The following CAPN9 variants were observed in gnomAD, a reference collection of about 807,000 sequenced individuals.
CAPN9 encodes the protein calpain-9.
A neutral mutation model predicts 92.8 loss-of-function variants in CAPN9; 81 were observed. The observed-to-expected ratio is 0.87, with a 90% CI of 0.73 to 1.05. The LOEUF (loss-of-function observed/expected upper bound fraction) is 1.05. Among genes scored for constraint, CAPN9 ranks in the 50% least tolerant of loss-of-function variants. The pLI is 0.00. For synonymous variants in CAPN9, 304 were observed against 328.0 expected (o/e 0.93, Z 0.79); for missense variants, 848 against 866.2 (o/e 0.98, Z 0.26).
intron 14 of CAPN9, among the ~76,000 whole-genome samples, chr1:230,790,687 TC>T (rs1667923263): frequency 6.6e-6 from 1 of 152,200 alleles, no homozygotes. Flanking sequence ...ACGCCTGTAA[TC>T]CCAGCACTTT....
Position 230,757,068 on chromosome 1 carries a change from A to AAGGAAG in CAPN9, c.283+1662_283+1663insAGGAAG, listed in dbSNP as rs1572017103. Among the ~76,000 whole-genome samples, 222 of 35,322 alleles carry AAGGAAG rather than the reference A, an allele frequency of 6.3e-3. 4 individuals carry two copies. Among genetic ancestry groups the AAGGAAG allele is most frequent in the East Asian group, 0.011 (20 of 1,764 alleles). 23.2% of individuals were successfully genotyped at this position (35,322 alleles called of 152,430 possible). On this transcript the variant is annotated intron_variant, in intron 2 of 19. Transcript: ENST00000271971. ...AGGAAGGAAGGAAGGAAGGAAGGAA[A>AAGGAAG]GGAGAAAATATACTATTCCAGGATT...
intron 8 of CAPN9, chr1:230,776,601 T>C (rs1482540575): frequency 2.0e-5 from 3 of 152,098 alleles, no homozygotes; most frequent in Admixed American, 1.3e-4. Flanking sequence ...ATATAAAGGC[T>C]CAAACACAGT....
chr1:230,761,383 C>T (rs1473329579), intron 3 of CAPN9, among the ~76,000 whole-genome samples: 2 of 152,120 alleles, frequency 1.3e-5, no homozygotes, highest in African/African-American at 4.8e-5. Context: ...GAAAGCCAGC[C>T]CTGAGGCTCC....
intron 18 of CAPN9, among the ~76,000 whole-genome samples, chr1:230,796,990 T>C (rs12239972): frequency 0.048 from 7,350 of 152,230 alleles, 251 homozygotes; most frequent in African/African-American, 0.1. Flanking sequence ...TGTAAGAATG[T>C]CAACCCTCCA....
At chr1:230,785,353 A>G (rs964679105) in intron 11 of CAPN9, among the ~76,000 whole-genome samples, 3 of 152,322 alleles carry the variant, frequency 2.0e-5, no homozygotes, top group African/African-American at 2.4e-5. Flanking sequence ...TTGAGGGCCC[A>G]TAGCAGAATG....
At chr1:230,755,307 C>T (rs776060403) in intron 1 of CAPN9, 30 bp from the exon 2 acceptor site, 1 of 1,578,106 alleles carries the variant, frequency 6.3e-7, no homozygotes, top group Non-Finnish European at 8.7e-7. Context: ...CATGGCAGGC[C>T]TCAGCCTAAT....
intron 1 of CAPN9, among the ~76,000 whole-genome samples, chr1:230,748,845 T>C (rs537895220): frequency 6.6e-6 from 1 of 152,304 alleles, no homozygotes; most frequent in East Asian, 1.9e-4. Context: ...TTCACAAAAC[T>C]TCTGGGCTCT....
At chr1:230,751,603 A>AAG (rs1231223448) in intron 1 of CAPN9, among the ~76,000 whole-genome samples, 23 of 13,452 alleles carry the variant, frequency 1.7e-3, no homozygotes, top group Middle Eastern at 0.019. Context: ...GAAAGAAAGA[A>AAG]AGAAAGAGAA....
chr1:230,794,803 A>AC (rs1298335553), intron 17 of CAPN9, among the ~76,000 whole-genome samples: 1 of 152,200 alleles, frequency 6.6e-6, no homozygotes, highest in Non-Finnish European at 1.5e-5. Context: ...GGGCTCAGAC[A>AC]CCACCCAGTG....
intron 16 of CAPN9, 79 bp downstream of exon 16, chr1:230,792,573 G>T: frequency 1.8e-6 from 2 of 1,122,018 alleles, no homozygotes; most frequent in Non-Finnish European, 2.7e-6. Flanking sequence ...TGGTGCAGCA[G>T]GCTGCAGGCT....
chr1:230,767,537 G>A lies in CAPN9; in HGVS notation c.537-4G>A. 1 of 1,604,842 alleles carries A rather than the reference G, an allele frequency of 6.2e-7. No homozygotes were observed. The highest frequency in any genetic ancestry group is 8.5e-7 in the Non-Finnish European group (1 of 1,176,228). ...CTCTCCTCTCTCTCTTGCCACCCTT[G>A]CAGGCTAAATGGGAGCTATGAAGCT... On this transcript the variant is annotated splice_polypyrimidine_tract_variant and splice_region_variant and intron_variant, in intron 4 of 19. Transcript: ENST00000271971.
chr1:230,785,424 G>C (rs969313142), intron 11 of CAPN9, among the ~76,000 whole-genome samples: 2 of 152,152 alleles, frequency 1.3e-5, no homozygotes, highest in African/African-American at 4.8e-5. Flanking sequence ...CCAGTGTTAG[G>C]GGTGGGGCTT....
chr1:230,754,362 GA>G (rs1158104521), intron 1 of CAPN9, among the ~76,000 whole-genome samples: 1 of 151,820 alleles, frequency 6.6e-6, no homozygotes, highest in Non-Finnish European at 1.5e-5. Context: ...ATGTATTAAT[GA>G]TTACATTAAT....
chr1:230,769,311 A>G (rs757649340), intron 6 of CAPN9, 48 bp downstream of exon 6: 7 of 1,311,872 alleles, frequency 5.3e-6, no homozygotes, highest in Non-Finnish European at 7.7e-6. Flanking sequence ...ACATGTGACA[A>G]TGCTAATCCC....
At chr1:230,768,300 G>A (rs1666140161) in intron 5 of CAPN9, among the ~76,000 whole-genome samples, 1 of 152,066 alleles carries the variant, frequency 6.6e-6, no homozygotes, top group Non-Finnish European at 1.5e-5. Flanking sequence ...AAGGTAAGAT[G>A]TACTTGCTGT....
chr1:230,772,115 C>G lies in CAPN9; in HGVS notation c.875+16C>G, dbSNP rs752136106. On this transcript the variant is annotated intron_variant, in intron 7 of 19. Coordinates refer to ENST00000271971, the MANE Select transcript of CAPN9 (RefSeq NM_006615.3). ...GGAGCGACAGGTCAGTCACCCTATC[C>G]TGCCTCTCTGGCTGGTTCCCGGGGC... 1 of 1,611,186 alleles carries G rather than the reference C, an allele frequency of 6.2e-7. No homozygotes were observed. The highest frequency in any genetic ancestry group is 8.5e-7 in the Non-Finnish European group (1 of 1,177,268).
chr1:230,766,301 A>G (rs535913265), intron 4 of CAPN9, among the ~76,000 whole-genome samples: 1 of 152,234 alleles, frequency 6.6e-6, no homozygotes, highest in East Asian at 1.9e-4. Context: ...TTTTATTTTT[A>G]TGGATGCATA....
At chr1:230,792,299 AG>A (rs1453329995) in intron 15 of CAPN9, 126 bp from the exon 16 acceptor site, 1 of 726,460 alleles carries the variant, frequency 1.4e-6, no homozygotes, top group Non-Finnish European at 2.4e-6. Context: ...CCACTTCCCC[AG>A]GGCCCCAAAC....
At chr1:230,792,182 A>G (rs1668034460) in intron 15 of CAPN9, among the ~76,000 whole-genome samples, 1 of 151,986 alleles carries the variant, frequency 6.6e-6, no homozygotes, top group African/African-American at 2.4e-5. Context: ...CCACTTTGGG[A>G]TCCCATCCAA....
Sources: gnomAD v4.1 joint callset for allele counts (sites outside exome capture counted in the v4.1 genomes callset) on GRCh38, gnomAD v4.1.1 for gene constraint, MANE v1.5 for transcripts, NCBI Gene and HGNC (gene_info 2026-07-23, HGNC 2026-07-21) for gene names.